Variants in GBE1 observed in about 807,000 individuals in gnomAD.
The protein encoded by GBE1 is 1,4-alpha-glucan-branching enzyme.
GBE1 carries 70 observed loss-of-function variants against 88.8 expected under a neutral mutation model. The ratio of observed to expected loss-of-function variants is 0.79; its 90% CI spans 0.65 to 0.96. The LOEUF is 0.96. Among genes scored for constraint, GBE1 ranks in the 40% least tolerant of loss-of-function variants. GBE1 has a pLI of 0.00. For synonymous variants in GBE1, 284 were observed against 300.1 expected, an observed-to-expected ratio of 0.95 and a Z score of 0.56; for missense variants, 872 against 871.0, an observed-to-expected ratio of 1.00 and a Z score of -0.01.
At chr3:81,630,533 A>G (rs1325385609) in intron 7 of GBE1, among the ~76,000 whole-genome samples, 1 of 152,196 alleles carries the variant, frequency 6.6e-6, no homozygotes, top group Non-Finnish European at 1.5e-5. Flanking sequence ...AGATTTAAAA[A>G]CTGGCACCCA....
chr3:81,619,308 T>A (rs1385873611), intron 7 of GBE1, among the ~76,000 whole-genome samples: 1 of 152,256 alleles, frequency 6.6e-6, no homozygotes, highest in Admixed American at 6.5e-5. Flanking sequence ...TACACATACA[T>A]ATATGTTAAG....
chr3:81,641,561 C>A (rs1181901242), intron 7 of GBE1, among the ~76,000 whole-genome samples: 3 of 152,050 alleles, frequency 2.0e-5, no homozygotes, highest in Non-Finnish European at 2.9e-5. Context: ...AATAAAAAGC[C>A]TGAGAATAAG....
chr3:81,683,194 A>C (rs1394003893), intron 2 of GBE1, among the ~76,000 whole-genome samples: 1 of 152,144 alleles, frequency 6.6e-6, no homozygotes, highest in Non-Finnish European at 1.5e-5. Flanking sequence ...TATACTAAAA[A>C]CCATCAAATT....
intron 1 of GBE1, among the ~76,000 whole-genome samples, chr3:81,739,777 T>C (rs2107217333): frequency 1.3e-5 from 2 of 152,340 alleles, no homozygotes; most frequent in South Asian, 4.1e-4. Context: ...TATCATCCTT[T>C]GAAAATTGAC....
chr3:81,529,494 T>C (rs1298539956), intron 14 of GBE1, among the ~76,000 whole-genome samples: 1 of 151,830 alleles, frequency 6.6e-6, no homozygotes, highest in Non-Finnish European at 1.5e-5. Flanking sequence ...TAGGTCAGGT[T>C]TAGTGTTAAC....
chr3:81,716,408 A>G (rs1043742736), intron 1 of GBE1, among the ~76,000 whole-genome samples: 3 of 152,222 alleles, frequency 2.0e-5, no homozygotes, highest in Non-Finnish European at 1.5e-5. Context: ...TTTGTTAAAT[A>G]TTCTTTCTTA....
chr3:81,492,599 C>T (rs1002013626), intron 15 of GBE1, among the ~76,000 whole-genome samples: 3 of 152,006 alleles, frequency 2.0e-5, no homozygotes, highest in Non-Finnish European at 4.4e-5. Flanking sequence ...GATGTCTAGT[C>T]TACATCTTTC....
At chr3:81,722,193 G>A (rs914502698) in intron 1 of GBE1, among the ~76,000 whole-genome samples, 2 of 152,048 alleles carry the variant, frequency 1.3e-5, no homozygotes, top group Non-Finnish European at 2.9e-5. Context: ...CTGCCCATGC[G>A]TATCACAGAT....
At chr3:81,724,064 T>C (rs1176687122) in intron 1 of GBE1, among the ~76,000 whole-genome samples, 1 of 152,154 alleles carries the variant, frequency 6.6e-6, no homozygotes, top group Non-Finnish European at 1.5e-5. Flanking sequence ...ACAATAATTG[T>C]ACCCCATCAA....
intron 3 of GBE1, among the ~76,000 whole-genome samples, chr3:81,653,995 G>A (rs939405077): frequency 7.2e-5 from 11 of 151,874 alleles, no homozygotes; most frequent in African/African-American, 1.2e-4. Context: ...TACATCTTGC[G>A]TACCTTAAGT....
rs536043838 is a variant in GBE1, at chr3:81,637,059, C to T, written c.992+5722G>A. ...TATACTGTGTCTTTATACATACATA[C>T]CTATGATAAAGTTTCATGTATAAAT... On this transcript the variant is annotated intron_variant, in intron 7 of 15. Transcript: ENST00000429644. 6.6e-5 allele frequency among the ~76,000 whole-genome samples: 10 copies of T among 152,040 alleles called. No homozygotes were observed. In the East Asian group the frequency reaches 1.7e-3, roughly 26 times the overall value.
intron 2 of GBE1, among the ~76,000 whole-genome samples, chr3:81,690,367 A>T (rs1219269951): frequency 6.6e-6 from 1 of 152,234 alleles, no homozygotes; most frequent in East Asian, 1.9e-4. Flanking sequence ...TAACACTATC[A>T]ACCAAATAAG....
intron 2 of GBE1, among the ~76,000 whole-genome samples, chr3:81,686,613 G>T (rs924800707): frequency 3.3e-5 from 5 of 152,020 alleles, no homozygotes; most frequent in East Asian, 1.9e-4. Context: ...AAAATTACCC[G>T]TGTATGGTGG....
At chr3:81,567,089 C>G (rs1703505544) in intron 12 of GBE1, among the ~76,000 whole-genome samples, 1 of 152,220 alleles carries the variant, frequency 6.6e-6, no homozygotes, top group South Asian at 2.1e-4. Context: ...TAAACCCACT[C>G]CATTCTGGCT....
intron 1 of GBE1, among the ~76,000 whole-genome samples, chr3:81,712,823 TAAAA>T (rs1406638816): frequency 6.6e-6 from 1 of 151,756 alleles, no homozygotes; most frequent in African/African-American, 2.4e-5. Context: ...AATAAATAAA[TAAAA>T]AAGCTCTCCA....
intron 1 of GBE1, among the ~76,000 whole-genome samples, chr3:81,743,784 G>C (rs1456013557): frequency 6.6e-6 from 1 of 151,866 alleles, no homozygotes; most frequent in African/African-American, 2.4e-5. Flanking sequence ...GATGCATTTA[G>C]CATTAAAAAA....
chr3:81,501,702 T>TC (rs1559625569), intron 14 of GBE1, among the ~76,000 whole-genome samples: 1 of 139,284 alleles, frequency 7.2e-6, no homozygotes, highest in Admixed American at 7.2e-5. Flanking sequence ...TTTTTTTTTT[T>TC]TTTTTTTTTT....
intron 14 of GBE1, among the ~76,000 whole-genome samples, chr3:81,505,105 A>G (rs1236371255): frequency 6.6e-6 from 1 of 152,224 alleles, no homozygotes; most frequent in Non-Finnish European, 1.5e-5. Flanking sequence ...TACCACATCA[A>G]TATTGTAAGA....
At position 81,496,231 on chromosome 3, in the gene GBE1, T is replaced by C. The variant is rs147420620; in HGVS notation, c.2052+2879A>G. On this transcript the variant is annotated intron_variant, in intron 15 of 15. Coordinates refer to ENST00000429644, the MANE Select transcript of GBE1 (RefSeq NM_000158.4). ...CTATCGCTTTTGGACATTTGTGACA[T>C]ACTCTGACCTTAGCAAATACATTTC... Among the ~76,000 whole-genome samples, 338 of 152,330 alleles carry C rather than the reference T, an allele frequency of 2.2e-3. 1 individual carries two copies. The highest frequency in any genetic ancestry group is 7.7e-3 in the African/African-American group (322 of 41,572).
Sources: gnomAD v4.1 joint callset for allele counts (sites outside exome capture counted in the v4.1 genomes callset) on GRCh38, gnomAD v4.1.1 for gene constraint, MANE v1.5 for transcripts, NCBI Gene and HGNC (gene_info 2026-07-23, HGNC 2026-07-21) for gene names.